LARS1: variants seen among roughly 807,000 people sequenced by gnomAD.
LARS1 encodes the protein leucyl-tRNA synthetase 1.
In LARS1, 100 loss-of-function variants were observed where a neutral mutation model predicts 162.8. The observed-to-expected ratio is 0.61, with a 90% confidence interval of 0.52 to 0.73. The LOEUF is 0.73. Among genes scored for constraint, LARS1 ranks in the 30% least tolerant of loss-of-function variants. The probability of loss-of-function intolerance (pLI) is 0.00; values close to 1 mark genes in which losing one functional copy is unlikely to be tolerated. For missense variants in LARS1, 1,258 were observed against 1,408.9 expected, an observed-to-expected ratio of 0.89 and a Z score of 1.71; for synonymous variants, 457 against 462.8, an observed-to-expected ratio of 0.99 and a Z score of 0.16.
At chr5:146,114,367 G>C (rs1358102714) in intron 31 of LARS1, 56 bp from the exon 32 acceptor site, 4 of 1,387,586 alleles carry the variant, frequency 2.9e-6, no homozygotes, top group East Asian at 2.4e-5. Flanking sequence ...TCAAACCCTG[G>C]AGCAGTCTGA....
intron 28 of LARS1, among the ~76,000 whole-genome samples, chr5:146,125,017 G>GCA (rs71274378): frequency 6.6e-6 from 1 of 150,620 alleles, no homozygotes; most frequent in Admixed American, 6.6e-5. Context: ...ACACACACAC[G>GCA]CACACACACA....
At chr5:146,117,676 A>G (rs1352515441) in intron 31 of LARS1, among the ~76,000 whole-genome samples, 1 of 152,240 alleles carries the variant, frequency 6.6e-6, no homozygotes, top group Non-Finnish European at 1.5e-5. Flanking sequence ...TTTAAAAGCC[A>G]CTATCATGCT....
chr5:146,165,049 T>C (rs1414500936), intron 5 of LARS1, among the ~76,000 whole-genome samples: 3 of 151,914 alleles, frequency 2.0e-5, no homozygotes, highest in Non-Finnish European at 4.4e-5. Context: ...AAAGAGGAAA[T>C]TTTGGGCCTG....
chr5:146,152,760 A>G (rs1042683249), intron 13 of LARS1, among the ~76,000 whole-genome samples: 2 of 152,226 alleles, frequency 1.3e-5, no homozygotes, highest in Non-Finnish European at 2.9e-5. Context: ...TAGTAATTTA[A>G]AAGTTTTTCT....
intron 26 of LARS1, 68 bp downstream of exon 26, chr5:146,128,910 G>A: frequency 6.9e-7 from 1 of 1,454,458 alleles, no homozygotes; most frequent in Middle Eastern, 1.8e-4. Context: ...TTTCATTATT[G>A]TTAAATGTTA....
intron 29 of LARS1, among the ~76,000 whole-genome samples, 160 bp from the exon 30 acceptor site, chr5:146,122,747 A>G (rs1414761911): frequency 6.6e-6 from 1 of 152,058 alleles, no homozygotes; most frequent in African/African-American, 2.4e-5. Context: ...TGAAATCTGT[A>G]ATCAGTTATT....
Position 146,131,078 on chromosome 5 carries a change from G to C in LARS1, c.2428C>G (p.Gln810Glu). 6.3e-7 allele frequency: 1 copy of C among 1,591,512 alleles called. No individual in the cohort carries two copies. The highest frequency in any genetic ancestry group is 8.6e-7 in the Non-Finnish European group (1 of 1,166,346). Residue 810 changes from glutamine (Q) to glutamate (E), a missense_variant, in exon 24 of 32, where the codon CAA becomes GAA. Coordinates refer to ENST00000394434, the MANE Select transcript of LARS1 (RefSeq NM_020117.11). ...TTAAACATCATCTTTTCATAGTTTT[G>C]ATCTGTTTTTATAATTCCTGCATTC... ...ELNAGIIKTD[Q>E]NYEKMMFKEA...
At chr5:146,145,131 G>A (rs543360110) in intron 15 of LARS1, among the ~76,000 whole-genome samples, 3 of 152,026 alleles carry the variant, frequency 2.0e-5, no homozygotes, top group African/African-American at 4.8e-5. Flanking sequence ...AGGCTGGAGC[G>A]CAGTGGCACT....
intron 2 of LARS1, among the ~76,000 whole-genome samples, chr5:146,173,619 A>T (rs879841392): frequency 1.6e-4 from 24 of 151,484 alleles, no homozygotes; most frequent in Admixed American, 2.0e-4. Flanking sequence ...GCATGAGCTC[A>T]TGAGCCACCA....
intron 6 of LARS1, among the ~76,000 whole-genome samples, chr5:146,162,549 C>T (rs1753821524): frequency 6.6e-6 from 1 of 152,108 alleles, no homozygotes; most frequent in Admixed American, 6.6e-5. Context: ...AGATTTGGCA[C>T]CATTCTTAAA....
rs778961690 is a variant in LARS1, at chr5:146,153,174, C to T, written c.1284G>A (p.Pro428=). The T allele has an allele frequency of 1.6e-5, 25 of 1,609,516 alleles. No homozygotes were observed. The highest frequency in any genetic ancestry group is 5.0e-5 in the Admixed American group (3 of 59,938). The part of the protein sequence containing the change: ...IRDDMVLPFE[P]VPVIEIPGFG... ...TATTCTGAATTATCTATGTACTCAC[C>T]GGCTCAAATGGCAAGACCATGTCAT... Residue 428 remains proline, a splice_region_variant and synonymous_variant, in exon 13 of 32, where the codon CCG becomes CCA. Coordinates refer to ENST00000394434, the MANE Select transcript of LARS1 (RefSeq NM_020117.11).
At chr5:146,175,525 A>G (rs1370772088) in intron 2 of LARS1, among the ~76,000 whole-genome samples, 1 of 130,852 alleles carries the variant, frequency 7.6e-6, no homozygotes, top group African/African-American at 2.9e-5. Flanking sequence ...TAGGCAACAG[A>G]GCAAGACTCC....
intron 5 of LARS1, among the ~76,000 whole-genome samples, chr5:146,166,434 GCA>G (rs1754005708): frequency 1.3e-5 from 2 of 152,114 alleles, no homozygotes; most frequent in East Asian, 3.8e-4. Flanking sequence ...CAATAGCCAG[GCA>G]CAGAGGTATA....
At chr5:146,156,459 C>T (rs890274615) in intron 10 of LARS1, among the ~76,000 whole-genome samples, 3 of 152,104 alleles carry the variant, frequency 2.0e-5, no homozygotes, top group East Asian at 1.9e-4. Flanking sequence ...TTTGGGAGGC[C>T]GAGGTGGGTG....
chr5:146,181,527 G>T (rs545158374), intron 1 of LARS1, among the ~76,000 whole-genome samples: 78 of 152,056 alleles, frequency 5.1e-4, no homozygotes, highest in Admixed American at 3.1e-3. Context: ...AATGGAGCAC[G>T]CTTGCAGTAC....
intron 13 of LARS1, 130 bp downstream of exon 13, chr5:146,153,044 A>T: frequency 1.5e-6 from 1 of 679,736 alleles, no homozygotes; most frequent in African/African-American, 1.8e-5. Context: ...AATTAAAGTG[A>T]GTAAATCCTT....
intron 4 of LARS1, among the ~76,000 whole-genome samples, chr5:146,169,376 C>A (rs1723816399): frequency 6.6e-6 from 1 of 151,952 alleles, no homozygotes; most frequent in African/African-American, 2.4e-5. Context: ...ATAAGAAATA[C>A]AGAAGTAAAA....
chr5:146,151,774 A>G, intron 14 of LARS1, 88 bp downstream of exon 14: 1 of 1,200,526 alleles, frequency 8.3e-7, no homozygotes, highest in Non-Finnish European at 1.2e-6. Context: ...AGCTGAAACT[A>G]TGTTAAATTT....
At chr5:146,125,636 ATT>A in intron 28 of LARS1, among the ~76,000 whole-genome samples, 1 of 152,066 alleles carries the variant, frequency 6.6e-6, no homozygotes, top group Non-Finnish European at 1.5e-5. Context: ...AGCCCAGAAA[ATT>A]TAAGTGATTT....
Sources: allele counts gnomAD v4.1 joint callset (sites outside exome capture counted in the v4.1 genomes callset), GRCh38; gene constraint gnomAD v4.1.1; transcripts MANE v1.5; gene names NCBI Gene and HGNC (gene_info 2026-07-23, HGNC 2026-07-21).